The following STXBP4 variants were observed in gnomAD, a reference collection of about 807,000 sequenced individuals.
STXBP4 encodes the protein syntaxin binding protein 4.
STXBP4 carries 55 observed loss-of-function variants against 76.1 expected under a neutral mutation model. The observed-to-expected ratio is 0.72, with a 90% confidence interval of 0.58 to 0.91. The LOEUF is 0.91. Ranked by LOEUF, STXBP4 falls within the 40% of genes least tolerant of loss-of-function variation. The pLI is 0.00. For missense variants in STXBP4, 618 were observed against 636.9 expected (o/e 0.97, Z 0.32); for synonymous variants, 201 against 220.2 (o/e 0.91, Z 0.77).
At chr17:55,057,324 C>T (rs1371821168) in intron 12 of STXBP4, among the ~76,000 whole-genome samples, 1 of 152,142 alleles carries the variant, frequency 6.6e-6, no homozygotes, top group Non-Finnish European at 1.5e-5. Context: ...ATGTATTGTC[C>T]TCCTTTTTTC....
chr17:55,079,598 CAAAA>C (rs5821084), intron 15 of STXBP4, among the ~76,000 whole-genome samples: 5 of 114,306 alleles, frequency 4.4e-5, no homozygotes, highest in South Asian at 2.8e-4. Flanking sequence ...CCTATCTCTA[CAAAA>C]AAAAAAAAAA....
chr17:55,088,904 C>CT (rs2079374364), intron 16 of STXBP4, among the ~76,000 whole-genome samples: 1 of 152,190 alleles, frequency 6.6e-6, no homozygotes, highest in Admixed American at 6.5e-5. Flanking sequence ...CAGAATACCT[C>CT]TAACAGTAGA....
chr17:55,063,730 C>A (rs1265607512), intron 12 of STXBP4, among the ~76,000 whole-genome samples: 1 of 152,082 alleles, frequency 6.6e-6, no homozygotes, highest in East Asian at 1.9e-4. Context: ...TGCCCTGTGG[C>A]TGGTGAGTTG....
chr17:55,194,540 C>G, the STXBP4 span, among the ~76,000 whole-genome samples: 1 of 152,118 alleles, frequency 6.6e-6, no homozygotes, highest in African/African-American at 2.4e-5. Context: ...TGATTACATG[C>G]AAAGCAGCTA....
rs902150651 is a variant in STXBP4 at position 55,170,079 on chromosome 17, A to G, written c.*10168A>G. The G allele has an allele frequency of 6.6e-6, 1 of 152,232 alleles. No individual in the cohort carries two copies. The highest frequency in any genetic ancestry group is 1.5e-5 in the Non-Finnish European group (1 of 68,032). 9.4% of individuals were successfully genotyped at this position (152,232 alleles called of 1,614,324 possible). ...AGATATCCTCAAATATTCTTAGGAC[A>G]TCTATAAATCACCACAAACATTCTG... is the stretch of plus-strand genomic sequence containing the variant. On this transcript the variant is annotated 3_prime_UTR_variant, in exon 18 of 18. Transcript: ENST00000376352.
At chr17:55,097,848 T>A (rs1466623534) in intron 16 of STXBP4, among the ~76,000 whole-genome samples, 1 of 152,184 alleles carries the variant, frequency 6.6e-6, no homozygotes, top group Non-Finnish European at 1.5e-5. Context: ...GCTTTGAGAA[T>A]TCTATAAGCT....
intron 17 of STXBP4, among the ~76,000 whole-genome samples, chr17:55,155,483 T>C (rs1380762383): frequency 6.6e-6 from 1 of 151,530 alleles, no homozygotes; most frequent in African/African-American, 2.4e-5. Context: ...TTCTGTTTTA[T>C]ATAAATACTA....
chr17:55,019,765 T>C (rs1465915411), intron 8 of STXBP4, among the ~76,000 whole-genome samples: 1 of 152,198 alleles, frequency 6.6e-6, no homozygotes, highest in Non-Finnish European at 1.5e-5. Context: ...GCCCTCATTT[T>C]TGAAAGAGAA....
chr17:55,017,547 A>G (rs2078230261), intron 8 of STXBP4, among the ~76,000 whole-genome samples: 1 of 152,216 alleles, frequency 6.6e-6, no homozygotes, highest in Non-Finnish European at 1.5e-5. Context: ...ATTCAGAGGT[A>G]AGAAGAATTT....
In STXBP4 at chr17:55,075,927, C is replaced by T. The variant is rs374028412; in HGVS notation, c.1189-2151C>T. ...TAAATGTTATAAACCAAGGTTTCCT[C>T]CTCCCTGGTAGCCAGTTGAGCATAT... On this transcript the variant is annotated intron_variant, in intron 13 of 17. Transcript: ENST00000376352. Among the ~76,000 whole-genome samples the T allele has an allele frequency of 1.6e-3, 240 of 152,216 alleles. 7 individuals are homozygous for T. In the South Asian group the frequency reaches 0.045, roughly 29 times the overall value.
At chr17:55,118,245 A>G (rs1215860357) in intron 16 of STXBP4, among the ~76,000 whole-genome samples, 3 of 151,974 alleles carry the variant, frequency 2.0e-5, no homozygotes, top group Admixed American at 2.0e-4. Flanking sequence ...TCTGATAGAA[A>G]TGGAGGAAGG....
intron 17 of STXBP4, among the ~76,000 whole-genome samples, chr17:55,145,253 T>A (rs575143701): frequency 6.6e-6 from 1 of 152,348 alleles, no homozygotes; most frequent in South Asian, 2.1e-4. Flanking sequence ...TAGCCTGTGT[T>A]AGCTTTTGAG....
intron 10 of STXBP4, among the ~76,000 whole-genome samples, chr17:55,035,837 C>A (rs1450408127): frequency 6.6e-6 from 1 of 151,818 alleles, no homozygotes; most frequent in Non-Finnish European, 1.5e-5. Flanking sequence ...GTCTTGATAT[C>A]TAATAAGATG....
In STXBP4 at chr17:55,007,488, C is replaced by A; in HGVS notation, c.575-18C>A. On this transcript the variant is annotated intron_variant, in intron 7 of 17. Transcript: ENST00000376352. The stretch of plus-strand genomic sequence containing the variant: ...TCCAATTAAGTTCCCAATTAATGTG[C>A]ACCCTGTTGTCTCTTAGATGTTGCT... 7 of 1,580,870 alleles carry A rather than the reference C, an allele frequency of 4.4e-6. No homozygotes were observed. The highest frequency in any genetic ancestry group is 3.5e-6 in the Non-Finnish European group (4 of 1,152,014).
At chr17:55,039,966 G>A (rs1013956653) in intron 10 of STXBP4, among the ~76,000 whole-genome samples, 3 of 152,112 alleles carry the variant, frequency 2.0e-5, no homozygotes, top group African/African-American at 7.2e-5. Flanking sequence ...GAGAGTGATA[G>A]TTGAGGCATA....
At chr17:55,005,258 A>G (rs531051071) in intron 7 of STXBP4, among the ~76,000 whole-genome samples, 4 of 152,340 alleles carry the variant, frequency 2.6e-5, no homozygotes, top group Non-Finnish European at 5.9e-5. Context: ...CAAACTGATT[A>G]TGAAAGATGT....
chr17:55,111,636 T>C (rs930731619), intron 16 of STXBP4, among the ~76,000 whole-genome samples: 28 of 152,148 alleles, frequency 1.8e-4, no homozygotes, highest in African/African-American at 6.5e-4. Flanking sequence ...GGGCTGGCTG[T>C]GTGACATACC....
chr17:55,086,909 G>T (rs2079341165), intron 16 of STXBP4, among the ~76,000 whole-genome samples: 1 of 152,014 alleles, frequency 6.6e-6, no homozygotes, highest in Admixed American at 6.6e-5. Context: ...CCTTTTCTCT[G>T]CATCTTCTCC....
the STXBP4 span, among the ~76,000 whole-genome samples, chr17:55,199,030 T>A: frequency 8.5e-5 from 13 of 152,176 alleles, no homozygotes; most frequent in Non-Finnish European, 2.9e-5. Flanking sequence ...TACAGAAATA[T>A]TTAATAAAAA....
Sources: gnomAD v4.1 joint callset for allele counts (sites outside exome capture counted in the v4.1 genomes callset) on GRCh38, gnomAD v4.1.1 for gene constraint, MANE v1.5 for transcripts, NCBI Gene and HGNC (gene_info 2026-07-23, HGNC 2026-07-21) for gene names.